Variants in EHMT2 observed in about 807,000 individuals in gnomAD.
EHMT2 encodes the protein histone-lysine N-methyltransferase EHMT2.
Under a neutral mutation model 143.3 loss-of-function variants are expected in EHMT2, and 59 were observed. That is an observed-to-expected ratio of 0.41 (90% CI 0.33 to 0.51). EHMT2 has a LOEUF of 0.51. EHMT2 is among the 20% of genes least tolerant of loss of function. EHMT2 has a pLI of 0.18. For missense variants in EHMT2, 1,174 were observed against 1,645.9 expected (o/e 0.71, Z 4.96); for synonymous variants, 604 against 651.5 (o/e 0.93, Z 1.11).
At chr6:31,892,673 G>T (rs1765855890) in intron 6 of EHMT2, 21 bp downstream of exon 6, 1 of 1,613,110 alleles carries the variant, frequency 6.2e-7, no homozygotes, top group African/African-American at 1.3e-5. Context: ...GAGGGGTAGA[G>T]GCTCTGCCTC....
In EHMT2 at chr6:31,886,757, T is replaced by C; in HGVS notation, c.2241+18A>G. 6.2e-7 allele frequency: 1 copy of C among 1,614,170 alleles called. No individual in the cohort carries two copies. On this transcript the variant is annotated intron_variant, in intron 17 of 27. Coordinates refer to ENST00000375537, the Ensembl canonical transcript of EHMT2. The stretch of plus-strand genomic sequence containing the variant: ...GTCCCTGACTCCGGGGGCCACGCCC[T>C]GCTGCCTGCGCGCACACCTTGCTAT...
intron 4 of EHMT2, chr6:31,895,948 C>CA: frequency 3.3e-6 from 1 of 305,802 alleles, no homozygotes; most frequent in Non-Finnish European, 6.0e-6. Flanking sequence ...ATGAGTTCCC[C>CA]AAGGGCTTGC....
chr6:31,884,023 G>C lies in EHMT2; in HGVS notation c.2772-73C>G. 1 of 1,547,274 alleles carries C rather than the reference G, an allele frequency of 6.5e-7. No homozygotes were observed. Among genetic ancestry groups the C allele is most frequent in the Non-Finnish European group, 8.8e-7 (1 of 1,141,792 alleles). ...GGAGCTACTCCAGGTATAAGGAAGAGAGTTGGGGAGGTTCCTGGGGCTGGG... is the reference window on the plus strand; with the variant it reads ...GGAGCTACTCCAGGTATAAGGAAGACAGTTGGGGAGGTTCCTGGGGCTGGG... On this transcript the variant is annotated intron_variant, in intron 21 of 27. Coordinates refer to ENST00000375537, the Ensembl canonical transcript of EHMT2. The surrounding 1 kb of genome is among the most constrained non-coding windows in gnomAD (Gnocchi z 7.3).
Position 31,892,681 on chromosome 6 carries a change from C to T in EHMT2, c.708+13G>A. 1 of 1,613,154 alleles carries T rather than the reference C, an allele frequency of 6.2e-7. No individual in the cohort carries two copies. The highest frequency in any genetic ancestry group is 1.1e-5 in the South Asian group (1 of 91,090). On this transcript the variant is annotated intron_variant, in intron 6 of 27. Transcript: ENST00000375537. Reference sequence around the variant, plus strand: ...AGCCCCCGAGGGGTAGAGGCTCTGCCTCTGCTGCTTACCAGGCCACCTCCT... The same window carrying T: ...AGCCCCCGAGGGGTAGAGGCTCTGCTTCTGCTGCTTACCAGGCCACCTCCT...
At chr6:31,892,976 G>A (rs1322448841) in intron 4 of EHMT2, 66 bp from the exon 5 acceptor site, 14 of 1,135,166 alleles carry the variant, frequency 1.2e-5, no homozygotes. Flanking sequence ...GGTTAGCCTG[G>A]AGCCCCAGGC....
At position 31,883,963 on chromosome 6, in the gene EHMT2, GGAA is replaced by G. The variant is rs763818031; in HGVS notation, c.2772-16_2772-14del. ...CCGAGCCACGTCCCTGCAGAAGACG[GGAA>G]GAAGGGGCTGGGAAGCTGGAAAAGG... On this transcript the variant is annotated splice_polypyrimidine_tract_variant and intron_variant, in intron 21 of 27. Transcript: ENST00000375537. The surrounding 1 kb of genome is among the most constrained non-coding windows in gnomAD (Gnocchi z 5.6). 1.8e-5 allele frequency: 29 copies of G among 1,612,602 alleles called. No individual in the cohort carries two copies. The highest frequency in any genetic ancestry group is 8.9e-5 in the East Asian group (4 of 44,830).
exon 16 of EHMT2, chr6:31,887,073 G>A (rs750620542): frequency 1.2e-6 from 2 of 1,610,472 alleles, no homozygotes; most frequent in Non-Finnish European, 1.7e-6. Flanking sequence ...TCTGCTGGTC[G>A]CTCTGGAAGT....
rs142646230 is a variant in EHMT2, at chr6:31,889,289, T to C, written c.1053A>G (p.Pro351=). ...GCCGTTTCCGAGACGGCTTCACCCATGGGCTGTCTTTTCGCCATTTCTTCT... is the reference window on the plus strand; with the variant it reads ...GCCGTTTCCGAGACGGCTTCACCCACGGGCTGTCTTTTCGCCATTTCTTCT... The change falls in exon 9 of 28, where the codon CCA becomes CCG. Residue 351 remains proline, a synonymous_variant. Coordinates refer to ENST00000375537, the Ensembl canonical transcript of EHMT2. The surrounding 1 kb of genome is among the most constrained non-coding windows in gnomAD (Gnocchi z 5.1). 157 of 1,612,408 alleles carry C rather than the reference T, an allele frequency of 9.7e-5. 3 individuals are homozygous for C. In the Admixed American group the frequency reaches 1.1e-3, roughly 11 times the overall value.
rs745770108 is a variant in EHMT2 at position 31,889,419 on chromosome 6, A to G, written c.999+49T>C. 10 of 1,608,634 alleles carry G rather than the reference A, an allele frequency of 6.2e-6. No individual in the cohort carries two copies. Among genetic ancestry groups the G allele is most frequent in the Admixed American group, 1.7e-5 (1 of 59,672 alleles). On this transcript the variant is annotated intron_variant, in intron 8 of 27. Transcript: ENST00000375537. This position sits in a 1 kb window ranked among gnomAD's most constrained non-coding sequence, Gnocchi z 5.1. ...CCAACACCTTCAGGACCAGACCTCC[A>G]GCCCCATAGTCTCCCACTCCTCTGG...
intron 7 of EHMT2, 59 bp downstream of exon 7, chr6:31,892,348 A>G: frequency 6.3e-7 from 1 of 1,579,304 alleles, no homozygotes; most frequent in Non-Finnish European, 8.6e-7. Context: ...GGAGGACTGG[A>G]CAGTGAGCCC....
Position 31,880,369 on chromosome 6 carries a change from C to G in EHMT2, c.3453-105G>C. 7.7e-7 allele frequency: 1 copy of G among 1,294,666 alleles called. No homozygotes were observed. The highest frequency in any genetic ancestry group is 1.1e-6 in the Non-Finnish European group (1 of 937,410). 80.2% of individuals were successfully genotyped at this position (1,294,666 alleles called of 1,614,324 possible). On this transcript the variant is annotated intron_variant, in intron 27 of 27. Transcript: ENST00000375537. The surrounding 1 kb of genome is among the most constrained non-coding windows in gnomAD (Gnocchi z 6.6). ...CCCTGAGAGGGACCCGACACCCAAC[C>G]TATCTTCTCCAGATGGGATCTGAGC...
rs770211613 is a variant in EHMT2, at chr6:31,888,027, G to C, written c.1745+14C>G. 2.2e-5 allele frequency: 35 copies of C among 1,572,280 alleles called. No individual in the cohort carries two copies. Among genetic ancestry groups the C allele is most frequent in the Admixed American group, 3.6e-5 (2 of 54,816 alleles). On this transcript the variant is annotated intron_variant, in intron 13 of 27. Coordinates refer to ENST00000375537, the Ensembl canonical transcript of EHMT2. This position sits in a 1 kb window ranked among gnomAD's most constrained non-coding sequence, Gnocchi z 7.4. ...GGGGAGGGAACAGACAGTACAGAAGGGGGAGGCCAGTACCTGGGCTGAGAA... is the reference window on the plus strand; with the variant it reads ...GGGGAGGGAACAGACAGTACAGAAGCGGGAGGCCAGTACCTGGGCTGAGAA...
rs768116376 is a variant in EHMT2 at position 31,896,922 on chromosome 6, CCT to C, written c.108_109del (p.Arg36SerfsTer11). The C allele has an allele frequency of 2.5e-6, 4 of 1,603,958 alleles. No homozygotes were observed. Among genetic ancestry groups the C allele is most frequent in the Non-Finnish European group, 3.4e-6 (4 of 1,176,552 alleles). ...TTGGGGCCCGTTTTAGCTGCACTCACCTCTCTCGGTGGCTCCTCTGGTTTCCT... is the reference window on the plus strand; with the variant it reads ...TTGGGGCCCGTTTTAGCTGCACTCACCTCTCGGTGGCTCCTCTGGTTTCCT... On this transcript the variant is annotated frameshift_variant and splice_region_variant, in exon 2 of 28. Transcript: ENST00000375537. LOFTEE classifies it high-confidence loss of function.
chr6:31,895,968 G>C (rs1018179479), intron 4 of EHMT2: 1 of 346,036 alleles, frequency 2.9e-6, no homozygotes, highest in Admixed American at 4.5e-5. Context: ...CTTTGAGGTA[G>C]AAAGGAAGAG....
Position 31,889,153 on chromosome 6 carries a change from G to A in EHMT2, c.1114+75C>T, listed in dbSNP as rs1025961316. ...TACATGCAGGTGGACATGCGAGAGC[G>A]TGTGTGTGCGTGCACACACTCTGGG... is the stretch of plus-strand genomic sequence containing the variant. On this transcript the variant is annotated intron_variant, in intron 9 of 27. Coordinates refer to ENST00000375537, the Ensembl canonical transcript of EHMT2. The surrounding 1 kb of genome is among the most constrained non-coding windows in gnomAD (Gnocchi z 5.1). 14 of 1,531,112 alleles carry A rather than the reference G, an allele frequency of 9.1e-6. No individual in the cohort carries two copies. Among genetic ancestry groups the A allele is most frequent in the Non-Finnish European group, 1.2e-5 (14 of 1,124,992 alleles). 94.8% of individuals were successfully genotyped at this position (1,531,112 alleles called of 1,614,324 possible).
chr6:31,888,556 G>A lies in EHMT2; in HGVS notation c.1365+43C>T. 6.2e-7 allele frequency: 1 copy of A among 1,609,606 alleles called. No individual in the cohort carries two copies. Among genetic ancestry groups the A allele is most frequent in the Non-Finnish European group, 8.5e-7 (1 of 1,178,646 alleles). Reference sequence around the variant, plus strand: ...AAGAGAGCGTGAGGCTGGGGCCGGGGACTGGACGCCCTGGCACCTCTCCCA... The same window carrying A: ...AAGAGAGCGTGAGGCTGGGGCCGGGAACTGGACGCCCTGGCACCTCTCCCA... On this transcript the variant is annotated intron_variant, in intron 11 of 27. Coordinates refer to ENST00000375537, the Ensembl canonical transcript of EHMT2. This position sits in a 1 kb window ranked among gnomAD's most constrained non-coding sequence, Gnocchi z 7.4.
At chr6:31,882,115 A>AT (rs1348221211) in intron 25 of EHMT2, among the ~76,000 whole-genome samples, 2 of 142,208 alleles carry the variant, frequency 1.4e-5, no homozygotes, top group East Asian at 4.2e-4. Flanking sequence ...CAAAAAATAA[A>AT]TTAAAAAAAA....
chr6:31,895,224 G>A (rs896003544), intron 4 of EHMT2, among the ~76,000 whole-genome samples: 14 of 152,162 alleles, frequency 9.2e-5, no homozygotes, highest in Non-Finnish European at 2.1e-4. Flanking sequence ...TGACTAGGGT[G>A]CTGCTTCACC....
At chr6:31,891,860 C>T (rs1765731239) in intron 7 of EHMT2, among the ~76,000 whole-genome samples, 2 of 151,716 alleles carry the variant, frequency 1.3e-5, no homozygotes, top group Non-Finnish European at 2.9e-5. Flanking sequence ...ATGGTCATTT[C>T]ATTAGCTGAT....
Sources: allele counts gnomAD v4.1 joint callset (sites outside exome capture counted in the v4.1 genomes callset), GRCh38; gene constraint gnomAD v4.1.1; non-coding constraint Gnocchi (gnomAD v3.1); transcripts MANE v1.5; gene names NCBI Gene and HGNC (gene_info 2026-07-23, HGNC 2026-07-21).